The following CDC5L variants were observed in gnomAD, a reference collection of about 807,000 sequenced individuals.
CDC5L encodes the protein cell division cycle 5-like protein.
Under a neutral mutation model 104.1 loss-of-function variants are expected in CDC5L, and 18 were observed. That is an observed-to-expected ratio of 0.17 (90% CI 0.12 to 0.26). The LOEUF is 0.26. Ranked by LOEUF, CDC5L falls within the 10% of genes least tolerant of loss-of-function variation. The pLI is 1.00. For synonymous variants in CDC5L, 331 were observed against 322.7 expected, an observed-to-expected ratio of 1.03 and a Z score of -0.28; for missense variants, 673 against 956.9, an observed-to-expected ratio of 0.70 and a Z score of 3.91.
intron 8 of CDC5L, among the ~76,000 whole-genome samples, chr6:44,413,322 C>T (rs186398607): frequency 2.0e-5 from 3 of 152,260 alleles, no homozygotes; most frequent in African/African-American, 4.8e-5. Flanking sequence ...TTTATCAGTA[C>T]TTTATTCCTT....
At chr6:44,425,917 T>G (rs1041529161) in intron 11 of CDC5L, among the ~76,000 whole-genome samples, 186 bp from the exon 12 acceptor site, 1 of 151,956 alleles carries the variant, frequency 6.6e-6, no homozygotes, top group African/African-American at 2.4e-5. Context: ...TAGTTTCTAT[T>G]ATAATGAGAG....
chr6:44,394,782 G>A lies in CDC5L; in HGVS notation c.439+1209G>A, dbSNP rs538864302. Among the ~76,000 whole-genome samples the A allele has an allele frequency of 4.1e-5, 5 of 122,158 alleles. 1 individual carries two copies. The highest frequency in any genetic ancestry group is 8.2e-5 in the Admixed American group (1 of 12,146). The allele number at this position is 122,158 out of a possible 152,430, so 80.1% of individuals were successfully genotyped here. A position where few individuals can be genotyped will look rare whatever the true frequency, so the allele number is the denominator to read the frequency against. On this transcript the variant is annotated intron_variant, in intron 4 of 15. Coordinates refer to ENST00000371477, the MANE Select transcript of CDC5L (RefSeq NM_001253.4). ...TGAGGTGGGAGAATCACTTGAGCCCGGGAGGCTGGGTTTGCCATGAGCTGA... is the reference window on the plus strand; with the variant it reads ...TGAGGTGGGAGAATCACTTGAGCCCAGGAGGCTGGGTTTGCCATGAGCTGA...
In CDC5L at chr6:44,447,513, T is replaced by A. The variant is rs1380183894; in HGVS notation, c.*802T>A. ...ATGGATAGAGGTGGAGATATTTAAT[T>A]TTATATAATTCATATAAATTGATTT... On this transcript the variant is annotated 3_prime_UTR_variant, in exon 16 of 16. Coordinates refer to ENST00000371477, the MANE Select transcript of CDC5L (RefSeq NM_001253.4). The A allele has an allele frequency of 6.6e-6, 1 of 152,210 alleles. No homozygotes were observed. The highest frequency in any genetic ancestry group is 1.5e-5 in the Non-Finnish European group (1 of 68,038). 9.4% of individuals were successfully genotyped at this position (152,210 alleles called of 1,614,324 possible). A position where few individuals can be genotyped will look rare whatever the true frequency, so the allele number is the denominator to read the frequency against.
intron 14 of CDC5L, among the ~76,000 whole-genome samples, chr6:44,441,940 T>TTTA (rs2153384116): frequency 7.3e-6 from 1 of 136,884 alleles, no homozygotes; most frequent in East Asian, 2.1e-4. Context: ...TTCTTTTTTT[T>TTTA]TTTTTTTTTT....
At position 44,426,187 on chromosome 6, in the gene CDC5L, A is replaced by G; in HGVS notation, c.1650+4A>G. ...AGATCTGCCAAGACCATCAGAAGTA[A>G]GTGTTAGAATTTCTGGTTTAGGAAG... On this transcript the variant is annotated splice_donor_region_variant and intron_variant, in intron 12 of 15. Transcript: ENST00000371477. 6.3e-7 allele frequency: 1 copy of G among 1,591,596 alleles called. No homozygotes were observed. The highest frequency in any genetic ancestry group is 8.6e-7 in the Non-Finnish European group (1 of 1,164,252).
intron 9 of CDC5L, among the ~76,000 whole-genome samples, chr6:44,421,491 C>T (rs1237487372): frequency 6.6e-6 from 1 of 152,164 alleles, no homozygotes; most frequent in Non-Finnish European, 1.5e-5. Context: ...GACAGCAGAA[C>T]CAAGAAGCAT....
intron 4 of CDC5L, among the ~76,000 whole-genome samples, chr6:44,395,015 A>G (rs1166961880): frequency 6.6e-6 from 1 of 152,186 alleles, no homozygotes; most frequent in African/African-American, 2.4e-5. Context: ...TAAGCCAGGC[A>G]CAGAGAGACA....
chr6:44,392,582 G>A, intron 2 of CDC5L, 85 bp from the exon 3 acceptor site: 3 of 1,208,384 alleles, frequency 2.5e-6, no homozygotes, highest in Non-Finnish European at 3.5e-6. Context: ...TGAAGGATGA[G>A]AGCACAAGTC....
intron 8 of CDC5L, among the ~76,000 whole-genome samples, chr6:44,412,212 A>G (rs1791674118): frequency 6.6e-6 from 1 of 152,214 alleles, no homozygotes; most frequent in Admixed American, 6.5e-5. Context: ...TTTCATTAAA[A>G]TACAGAGCAT....
intron 5 of CDC5L, among the ~76,000 whole-genome samples, chr6:44,403,105 A>G (rs1791204138): frequency 6.6e-6 from 1 of 152,170 alleles, no homozygotes; most frequent in South Asian, 2.1e-4. Flanking sequence ...AGATGCACCA[A>G]TATACTTTTT....
At chr6:44,392,212 C>G (rs965170456) in intron 2 of CDC5L, among the ~76,000 whole-genome samples, 7 of 152,094 alleles carry the variant, frequency 4.6e-5, no homozygotes, top group African/African-American at 1.7e-4. Context: ...AATTTTAAAA[C>G]ATATCAAATG....
At chr6:44,433,814 G>A (rs1792798419) in intron 14 of CDC5L, among the ~76,000 whole-genome samples, 1 of 152,168 alleles carries the variant, frequency 6.6e-6, no homozygotes, top group Non-Finnish European at 1.5e-5. Flanking sequence ...TGGCTGCACA[G>A]TAGATCTCAT....
intron 1 of CDC5L, among the ~76,000 whole-genome samples, chr6:44,388,359 A>G (rs1199769262): frequency 2.6e-5 from 4 of 151,998 alleles, no homozygotes; most frequent in African/African-American, 9.7e-5. Flanking sequence ...GAGCCCGTTT[A>G]TGCCCGCATC....
At chr6:44,444,870 G>A (rs148211184) in intron 14 of CDC5L, among the ~76,000 whole-genome samples, 106 of 152,216 alleles carry the variant, frequency 7.0e-4, no homozygotes, top group African/African-American at 2.3e-3. Flanking sequence ...GAATTGGTAG[G>A]CCTAAAGTTA....
chr6:44,422,396 G>A (rs1480675333), intron 9 of CDC5L, among the ~76,000 whole-genome samples: 1 of 152,176 alleles, frequency 6.6e-6, no homozygotes, highest in Non-Finnish European at 1.5e-5. Context: ...TTTAGTGGAC[G>A]TAGTTTAGGA....
intron 8 of CDC5L, among the ~76,000 whole-genome samples, chr6:44,412,641 C>A (rs1791699460): frequency 6.6e-6 from 1 of 151,086 alleles, no homozygotes. Flanking sequence ...CATTATAGGA[C>A]AATATAAGGG....
intron 4 of CDC5L, among the ~76,000 whole-genome samples, chr6:44,395,014 C>A (rs1420016432): frequency 6.6e-6 from 1 of 151,896 alleles, no homozygotes; most frequent in Non-Finnish European, 1.5e-5. Flanking sequence ...ATAAGCCAGG[C>A]ACAGAGAGAC....
At chr6:44,430,018 G>C in intron 14 of CDC5L, 108 bp downstream of exon 14, 1 of 776,308 alleles carries the variant, frequency 1.3e-6, no homozygotes, top group South Asian at 1.9e-5. Context: ...GGTGCTTATT[G>C]CCTTTTTAGT....
At chr6:44,389,342 G>A (rs988467639) in intron 1 of CDC5L, among the ~76,000 whole-genome samples, 4 of 152,202 alleles carry the variant, frequency 2.6e-5, no homozygotes, top group African/African-American at 9.6e-5. Context: ...CTATGCAGTG[G>A]TCAAAGCTCT....
Sources: allele counts gnomAD v4.1 joint callset (sites outside exome capture counted in the v4.1 genomes callset), GRCh38; gene constraint gnomAD v4.1.1; transcripts MANE v1.5; gene names NCBI Gene and HGNC (gene_info 2026-07-23, HGNC 2026-07-21).